Variants in CACNA1E observed in about 807,000 individuals in gnomAD.
CACNA1E encodes voltage-dependent R-type calcium channel subunit alpha-1E.
In CACNA1E, 40 loss-of-function variants were observed where a neutral mutation model predicts 259.2. That is an observed-to-expected ratio of 0.15 (90% confidence interval 0.12 to 0.20). The LOEUF (loss-of-function observed/expected upper bound fraction) is 0.20. Among genes scored for constraint, CACNA1E ranks in the 10% least tolerant of loss-of-function variants. The probability of loss-of-function intolerance (pLI) is 1.00; values close to 1 mark genes in which losing one functional copy is unlikely to be tolerated. For missense variants in CACNA1E, 1,874 were observed against 3,040.1 expected (o/e 0.62, Z 9.02); for synonymous variants, 1,104 against 1,138.5 (o/e 0.97, Z 0.61).
chr1:181,626,013 G>A (rs1403601567), intron 6 of CACNA1E, among the ~76,000 whole-genome samples: 2 of 152,074 alleles, frequency 1.3e-5, no homozygotes, highest in Non-Finnish European at 2.9e-5. Flanking sequence ...ACAGAAATGG[G>A]GGAATGAATG....
chr1:181,476,529 G>A (rs1019694815), intron 2 of CACNA1E, among the ~76,000 whole-genome samples: 16 of 152,224 alleles, frequency 1.1e-4, no homozygotes, highest in Non-Finnish European at 1.0e-4. Context: ...ATCTTCAAGA[G>A]TGAAATGTAG....
At chr1:181,455,746 A>C (rs1661425353) in intron 2 of CACNA1E, among the ~76,000 whole-genome samples, 1 of 152,044 alleles carries the variant, frequency 6.6e-6, no homozygotes, top group Non-Finnish European at 1.5e-5. Flanking sequence ...CCTTGACCAT[A>C]ATTTAGACTC....
chr1:181,731,396 C>A (rs1398434999), intron 19 of CACNA1E, among the ~76,000 whole-genome samples, 165 bp downstream of exon 19: 1 of 152,122 alleles, frequency 6.6e-6, no homozygotes, highest in Non-Finnish European at 1.5e-5. Flanking sequence ...ATGCCCTCTG[C>A]ACCTCTCAAC....
chr1:181,327,208 G>A (rs570685262), intron 1 of CACNA1E, among the ~76,000 whole-genome samples: 2 of 152,250 alleles, frequency 1.3e-5, no homozygotes, highest in Middle Eastern at 3.4e-3. Context: ...GGAACCTTTG[G>A]CAAATCCTGA....
intron 3 of CACNA1E, among the ~76,000 whole-genome samples, chr1:181,530,000 G>T (rs986306152): frequency 4.6e-5 from 7 of 152,194 alleles, no homozygotes; most frequent in Non-Finnish European, 7.3e-5. Flanking sequence ...GGGGTGGAAT[G>T]ATATGGTTTG....
Position 181,663,446 on chromosome 1 carries a change from T to G in CACNA1E, c.1055+12005T>G, listed in dbSNP as rs563623154. Reference sequence around the variant, plus strand: ...GATGTCTCTGTCACCCATTAAGTTTTGTTTCTTCTGCTGAGGATGTCTTTC... The same window carrying G: ...GATGTCTCTGTCACCCATTAAGTTTGGTTTCTTCTGCTGAGGATGTCTTTC... On this transcript the variant is annotated intron_variant, in intron 7 of 47. Coordinates refer to ENST00000367573, the MANE Select transcript of CACNA1E (RefSeq NM_001205293.3). Among the ~76,000 whole-genome samples the G allele has an allele frequency of 2.3e-4, 35 of 152,366 alleles. No homozygotes were observed. The South Asian group carries it at 7.2e-3, about 32-fold the overall frequency.
chr1:181,777,923 T>C (rs1479349746), intron 38 of CACNA1E, among the ~76,000 whole-genome samples: 1 of 152,232 alleles, frequency 6.6e-6, no homozygotes, highest in African/African-American at 2.4e-5. Flanking sequence ...CACTCAGGTA[T>C]CCTTGGCTTC....
rs1370314260 is a variant in CACNA1E, at chr1:181,717,140, G to T, written c.1363G>T (p.Val455Phe). 2 of 1,613,928 alleles carry T rather than the reference G, an allele frequency of 1.2e-6. No individual in the cohort carries two copies. The highest frequency in any genetic ancestry group is 1.3e-5 in the African/African-American group (1 of 74,944). Residue 455 changes from valine (V) to phenylalanine (F), a missense_variant, in exon 11 of 48, where the codon GTC becomes TTC. Transcript: ENST00000367573. ...ASIKSAKVDG[V>F]SYFRHKERLL... Reference sequence around the variant, plus strand: ...TATCAAAAGTGCAAAGGTAGACGGGGTCTCTTATTTCCGGCACAAGGAAAG... The same window carrying T: ...TATCAAAAGTGCAAAGGTAGACGGGTTCTCTTATTTCCGGCACAAGGAAAG...
chr1:181,668,243 A>G (rs1467047891), intron 7 of CACNA1E, among the ~76,000 whole-genome samples: 8 of 152,374 alleles, frequency 5.3e-5, no homozygotes, highest in African/African-American at 1.9e-4. Flanking sequence ...ATCATAGGAT[A>G]GAAAACTTTT....
At chr1:181,525,045 T>G (rs998993617) in intron 3 of CACNA1E, among the ~76,000 whole-genome samples, 2 of 152,252 alleles carry the variant, frequency 1.3e-5, no homozygotes, top group African/African-American at 4.8e-5. Flanking sequence ...GCTAGAAAGA[T>G]AAATAATAAG....
At chr1:181,435,917 G>T (rs1022333874) in intron 2 of CACNA1E, among the ~76,000 whole-genome samples, 2 of 141,014 alleles carry the variant, frequency 1.4e-5, no homozygotes, top group Admixed American at 7.3e-5. Context: ...TAAAACATCT[G>T]TTATCCAAGT....
chr1:181,351,229 C>A (rs912211592), intron 1 of CACNA1E, among the ~76,000 whole-genome samples: 1 of 152,176 alleles, frequency 6.6e-6, no homozygotes, highest in African/African-American at 2.4e-5. Context: ...GGGATCCAGG[C>A]AGGATAGGTG....
At chr1:181,399,772 TG>T (rs1656959855) in intron 1 of CACNA1E, among the ~76,000 whole-genome samples, 2 of 152,252 alleles carry the variant, frequency 1.3e-5, no homozygotes, top group African/African-American at 2.4e-5. Flanking sequence ...AAGTGTGACT[TG>T]TTAGATGTTT....
chr1:181,675,211 T>C (rs2102225357), intron 7 of CACNA1E, among the ~76,000 whole-genome samples: 1 of 152,252 alleles, frequency 6.6e-6, no homozygotes, highest in South Asian at 2.1e-4. Context: ...GGAAGGAATA[T>C]ATCTGCTTCT....
intron 44 of CACNA1E, among the ~76,000 whole-genome samples, chr1:181,791,529 A>G (rs1195508515): frequency 6.6e-6 from 1 of 152,196 alleles, no homozygotes; most frequent in Non-Finnish European, 1.5e-5. Context: ...GAAAGCCTGA[A>G]GAAGAGAGGA....
chr1:181,730,445 T>A (rs1260671144), intron 18 of CACNA1E, among the ~76,000 whole-genome samples: 2 of 152,230 alleles, frequency 1.3e-5, no homozygotes, highest in Non-Finnish European at 2.9e-5. Context: ...TCTAACCTTG[T>A]GTTTGTAAGG....
chr1:181,675,100 C>T (rs565044938), intron 7 of CACNA1E, among the ~76,000 whole-genome samples: 1 of 152,356 alleles, frequency 6.6e-6, no homozygotes, highest in Admixed American at 6.5e-5. Flanking sequence ...CTGTGAAGTG[C>T]ATCTGAGGTG....
In CACNA1E at chr1:181,485,349, CCTT is replaced by C. The variant is rs140596446; in HGVS notation, c.266+1345_266+1347del. On this transcript the variant is annotated intron_variant, in intron 1 of 47. Transcript: ENST00000367573. This position sits in a 1 kb window ranked among gnomAD's most constrained non-coding sequence, Gnocchi z 4.2. Reference sequence around the variant, plus strand: ...CCCCAACCCCAGTCTCTGGCCTTCCCCTTCTTCTCTAGTTCCCTGCCTCAGCAG... The same window carrying C: ...CCCCAACCCCAGTCTCTGGCCTTCCCCTTCTCTAGTTCCCTGCCTCAGCAG... Among the ~76,000 whole-genome samples the C allele has an allele frequency of 9.5e-4, 144 of 152,356 alleles. No homozygotes were observed. Among genetic ancestry groups the C allele is most frequent in the African/African-American group, 3.3e-3 (138 of 41,576 alleles).
At chr1:181,328,840 A>G (rs533609545) in intron 1 of CACNA1E, among the ~76,000 whole-genome samples, 2 of 152,296 alleles carry the variant, frequency 1.3e-5, no homozygotes, top group South Asian at 4.1e-4. Context: ...AAAGTTGGCT[A>G]TCAAGGGAGT....
Sources: allele counts gnomAD v4.1 joint callset (sites outside exome capture counted in the v4.1 genomes callset), GRCh38; gene constraint gnomAD v4.1.1; non-coding constraint Gnocchi (gnomAD v3.1); transcripts MANE v1.5; gene names NCBI Gene and HGNC (gene_info 2026-07-23, HGNC 2026-07-21).